Variants in TENM3 observed in about 807,000 individuals in gnomAD.
TENM3 encodes the protein teneurin transmembrane protein 3.
Under a neutral mutation model 255.1 loss-of-function variants are expected in TENM3, and 63 were observed. That is an observed-to-expected ratio of 0.25 (90% CI 0.20 to 0.30). The LOEUF is 0.30. TENM3 is among the 10% of genes least tolerant of loss of function. The pLI is 1.00. For missense variants in TENM3, 2,929 were observed against 3,461.1 expected, an observed-to-expected ratio of 0.85 and a Z score of 3.86; for synonymous variants, 1,306 against 1,322.3, an observed-to-expected ratio of 0.99 and a Z score of 0.27.
chr4:181,507,970 A>C, the TENM3 span, among the ~76,000 whole-genome samples: 1 of 152,248 alleles, frequency 6.6e-6, no homozygotes, highest in East Asian at 1.9e-4. Context: ...TGAAGAAAGA[A>C]ATAGATCTTT....
intron 1 of TENM3, among the ~76,000 whole-genome samples, chr4:182,260,772 A>G (rs1393178015): frequency 6.6e-6 from 1 of 152,264 alleles, no homozygotes; most frequent in African/African-American, 2.4e-5. Flanking sequence ...CTGAACTCAT[A>G]TAATACTGAC....
At position 182,731,027 on chromosome 4, in the gene TENM3, C is replaced by T. The variant is rs1373086036; in HGVS notation, c.2855C>T (p.Pro952Leu). ...ATGAAGAAAGAAGAGAATGACATTC[C>T]CAGCTGTGATCTGAGTGGATTCGTG... is the stretch of plus-strand genomic sequence containing the variant. ...LVMKKEENDI[P>L]SCDLSGFVRP... Residue 952 changes from proline to leucine, a missense_variant, in exon 16 of 28, where the codon CCC becomes CTC. Physicochemically the swap from Pro to Leu is moderately conservative, Grantham distance 98 (BLOSUM62 -3). This residue lies in a region of TENM3 where 1,608 missense variants were observed against 1,884.4 expected (regional missense o/e 0.85). Transcript: ENST00000511685. 6.2e-6 allele frequency: 10 copies of T among 1,613,744 alleles called. No individual in the cohort carries two copies. Among genetic ancestry groups the T allele is most frequent in the Non-Finnish European group, 8.5e-6 (10 of 1,179,864 alleles).
At chr4:181,729,977 T>C in the TENM3 span, among the ~76,000 whole-genome samples, 34 of 152,282 alleles carry the variant, frequency 2.2e-4, no homozygotes, top group East Asian at 1.5e-3. Flanking sequence ...GAGAGCTTTA[T>C]TGGGGATATC....
the TENM3 span, among the ~76,000 whole-genome samples, chr4:181,872,704 C>G: frequency 6.6e-6 from 1 of 151,994 alleles, no homozygotes. Flanking sequence ...CTTGATCAGT[C>G]TTGCTGGGGC....
the TENM3 span, among the ~76,000 whole-genome samples, chr4:181,724,571 G>C: frequency 6.6e-6 from 1 of 151,906 alleles, no homozygotes; most frequent in Non-Finnish European, 1.5e-5. Flanking sequence ...TTTTATCTCT[G>C]TAAGATAATT....
chr4:181,832,132 A>G, the TENM3 span, among the ~76,000 whole-genome samples: 546 of 152,028 alleles, frequency 3.6e-3, 3 homozygotes, highest in African/African-American at 0.011. Context: ...GAAGTGCACA[A>G]TGTGTTTCGT....
chr4:182,354,225 T>C (rs1765374708), intron 3 of TENM3, among the ~76,000 whole-genome samples: 1 of 152,228 alleles, frequency 6.6e-6, no homozygotes, highest in South Asian at 2.1e-4. Flanking sequence ...ATATATGCCA[T>C]CTCTGTTTCA....
At chr4:181,568,320 C>T in the TENM3 span, among the ~76,000 whole-genome samples, 1 of 151,994 alleles carries the variant, frequency 6.6e-6, no homozygotes, top group East Asian at 1.9e-4. Context: ...CCCGCCACCA[C>T]ACCCAGATAA....
chr4:181,448,235 C>T, the TENM3 span, among the ~76,000 whole-genome samples: 19 of 134,888 alleles, frequency 1.4e-4, no homozygotes, highest in Non-Finnish European at 2.3e-4. Flanking sequence ...GGCGCGATCT[C>T]GGCTCACTGC....
chr4:181,484,604 GA>G, the TENM3 span, among the ~76,000 whole-genome samples: 3 of 152,120 alleles, frequency 2.0e-5, no homozygotes, highest in Non-Finnish European at 2.9e-5. Flanking sequence ...TTGATTTAAT[GA>G]AAAACTTAAC....
the TENM3 span, among the ~76,000 whole-genome samples, chr4:181,624,179 T>C: frequency 1.3e-5 from 2 of 152,192 alleles, no homozygotes; most frequent in Admixed American, 6.5e-5. Flanking sequence ...CCAAACCCTC[T>C]GGCTACAAGT....
the TENM3 span, among the ~76,000 whole-genome samples, chr4:181,792,526 G>A: frequency 1.3e-5 from 2 of 152,114 alleles, no homozygotes; most frequent in Non-Finnish European, 2.9e-5. Context: ...AAAAAAATAC[G>A]TATTTTTTAG....
At chr4:182,360,112 A>C (rs978783895) in intron 3 of TENM3, among the ~76,000 whole-genome samples, 4 of 148,932 alleles carry the variant, frequency 2.7e-5, no homozygotes, top group African/African-American at 9.9e-5. Flanking sequence ...GTGTTCTTTT[A>C]CATTTGCTGA....
chr4:182,421,317 A>G (rs1770818587), intron 3 of TENM3, among the ~76,000 whole-genome samples: 1 of 152,160 alleles, frequency 6.6e-6, no homozygotes, highest in Admixed American at 6.5e-5. Context: ...GCTTAGAGAG[A>G]TTAAGGATCA....
At chr4:182,449,227 C>CTCCGCTCCGCTCCGGAGCCGGT (rs1394857912) in intron 3 of TENM3, 23 of 20,904 alleles carry the variant, frequency 1.1e-3, no homozygotes, top group Non-Finnish European at 2.1e-3. Context: ...GCGGCGGCGG[C>CTCCGCTCCGCTCCGGAGCCGGT]GGCTCCGCTC....
the TENM3 span, among the ~76,000 whole-genome samples, chr4:182,095,796 C>A: frequency 0.32 from 48,703 of 151,812 alleles, 7,951 homozygotes; most frequent in Middle Eastern, 0.42. Context: ...TGATCATTAC[C>A]TGGTGTATGC....
the TENM3 span, among the ~76,000 whole-genome samples, chr4:181,921,244 A>G: frequency 1.3e-5 from 2 of 152,098 alleles, no homozygotes; most frequent in Non-Finnish European, 2.9e-5. Context: ...TATGAACTTT[A>G]AAATAGTTTT....
the TENM3 span, among the ~76,000 whole-genome samples, chr4:181,805,190 A>T: frequency 6.6e-6 from 1 of 152,088 alleles, no homozygotes; most frequent in African/African-American, 2.4e-5. Context: ...ACCTACCTTC[A>T]TTGACTCAAC....
the TENM3 span, among the ~76,000 whole-genome samples, chr4:181,605,834 A>G: frequency 1.3e-5 from 2 of 152,292 alleles, no homozygotes; most frequent in East Asian, 3.9e-4. Flanking sequence ...ATCTTTTGAT[A>G]GTATTGGGCC....
Sources: gnomAD v4.1 joint callset for allele counts (sites outside exome capture counted in the v4.1 genomes callset) on GRCh38, gnomAD v4.1.1 for gene constraint, gnomAD v4.1.1 regional missense constraint, MANE v1.5 for transcripts, NCBI Gene and HGNC (gene_info 2026-07-23, HGNC 2026-07-21) for gene names.